Variants in WDR88 observed in about 807,000 individuals in gnomAD.
WDR88 encodes WD repeat-containing protein 88.
In WDR88, 40 loss-of-function variants were observed where a neutral mutation model predicts 46.8. The ratio of observed to expected loss-of-function variants is 0.86; its 90% CI spans 0.66 to 1.11. The LOEUF is 1.11. WDR88 is among the 50% of genes most tolerant of loss of function. WDR88 has a pLI of 0.00. For synonymous variants in WDR88, 235 were observed against 240.7 expected, an observed-to-expected ratio of 0.98 and a Z score of 0.22; for missense variants, 562 against 602.4, an observed-to-expected ratio of 0.93 and a Z score of 0.70.
chr19:33,157,083 G>GT (rs1973749521), intron 7 of WDR88, among the ~76,000 whole-genome samples: 1 of 152,072 alleles, frequency 6.6e-6, no homozygotes, highest in Admixed American at 6.6e-5. Context: ...TGTAGTCTCA[G>GT]CTCTTCAAGA....
chr19:33,145,597 C>T (rs536782271), intron 3 of WDR88, among the ~76,000 whole-genome samples: 90 of 151,506 alleles, frequency 5.9e-4, no homozygotes, highest in African/African-American at 2.1e-3. Context: ...TATAGTGGTG[C>T]GATCTCGGCT....
Position 33,144,868 on chromosome 19 carries a change from C to A in WDR88, c.412C>A (p.Arg138Ser). Residue 138 changes from arginine (R) to serine (S), a missense_variant, in exon 3 of 11, where the codon CGC (arginine) becomes AGC (serine). By Grantham distance (110) the Arg-to-Ser change is moderately radical. Transcript: ENST00000355868. ...LWDPVDGSVV[R>S]DFEHRPKAPV... Reference sequence around the variant, plus strand: ...GGATCCGGTGGACGGTTCTGTGGTTCGCGATTTTGAGCACAGGCCCAAAGC... The same window carrying A: ...GGATCCGGTGGACGGTTCTGTGGTTAGCGATTTTGAGCACAGGCCCAAAGC... 1 of 1,613,632 alleles carries A rather than the reference C, an allele frequency of 6.2e-7. No homozygotes were observed. Among genetic ancestry groups the A allele is most frequent in the Non-Finnish European group, 8.5e-7 (1 of 1,179,880 alleles).
intron 9 of WDR88, among the ~76,000 whole-genome samples, chr19:33,170,175 C>G (rs761022172): frequency 4.0e-5 from 6 of 150,760 alleles, no homozygotes; most frequent in Non-Finnish European, 7.4e-5. Context: ...CTGCGCCCAG[C>G]CCATTTATTT....
At chr19:33,150,454 T>TA (rs950295558) in intron 5 of WDR88, among the ~76,000 whole-genome samples, 4 of 152,032 alleles carry the variant, frequency 2.6e-5, no homozygotes, top group African/African-American at 9.7e-5. Context: ...GTCTCAAAAA[T>TA]AAAAAAATCA....
In WDR88 at chr19:33,148,845, T is replaced by C. The variant is rs752113451; in HGVS notation, c.614T>C (p.Phe205Ser). The C allele has an allele frequency of 6.2e-7, 1 of 1,614,082 alleles. No homozygotes were observed. The highest frequency in any genetic ancestry group is 1.3e-5 in the African/African-American group (1 of 74,928). Reference protein sequence around the residue: ...SPDGKYVVSGFDVDHGICIMD... With the variant: ...SPDGKYVVSGSDVDHGICIMD... ...GATGGTAAATACGTGGTCTCAGGCT[T>C]CGACGTGGATCATGGAATCTGCATA... Residue 205 changes from phenylalanine (F) to serine (S), a missense_variant, in exon 5 of 11, where the codon TTC (phenylalanine) becomes TCC (serine). Physicochemically the swap from Phe to Ser is radical, Grantham distance 155 (BLOSUM62 -2). Transcript: ENST00000355868.
At chr19:33,173,115 A>G in intron 10 of WDR88, among the ~76,000 whole-genome samples, 1 of 148,672 alleles carries the variant, frequency 6.7e-6, no homozygotes, top group African/African-American at 2.5e-5. Context: ...AAAAAAAAAA[A>G]AAAAGAGAAG....
chr19:33,170,074 T>C (rs1311113944), intron 9 of WDR88, among the ~76,000 whole-genome samples: 1 of 152,064 alleles, frequency 6.6e-6, no homozygotes, highest in African/African-American at 2.4e-5. Flanking sequence ...ACGGGGTTTC[T>C]CCATGTTGGT....
In WDR88 at chr19:33,160,445, G is replaced by A; in HGVS notation, c.1029G>A (p.Arg343=). 2 of 1,614,160 alleles carry A rather than the reference G, an allele frequency of 1.2e-6. No individual in the cohort carries two copies. The highest frequency in any genetic ancestry group is 1.7e-6 in the Non-Finnish European group (2 of 1,180,044). Residue 343 remains arginine (R), a synonymous_variant, in exon 8 of 11, where the codon AGG becomes AGA. Coordinates refer to ENST00000355868, the MANE Select transcript of WDR88 (RefSeq NM_173479.4). ...TTCTCATTTCTGGAGGGTTTGATAG[G>A]ACTGTGGCTATTTGGGATGTAGCAG... ...SSFLISGGFD[R]TVAIWDVAEG... is the part of the protein sequence containing the mutation.
chr19:33,160,614 GC>G, intron 8 of WDR88, 118 bp downstream of exon 8: 1 of 1,045,780 alleles, frequency 9.6e-7, no homozygotes, highest in East Asian at 2.4e-5. Flanking sequence ...GCCTCTGTGG[GC>G]TGATGAAGGA....
chr19:33,136,606 A>G (rs1482832738), intron 1 of WDR88, among the ~76,000 whole-genome samples: 4 of 152,280 alleles, frequency 2.6e-5, no homozygotes, highest in Admixed American at 1.3e-4. Context: ...TCTGTCACCC[A>G]GGCTGGAGTG....
chr19:33,149,345 A>C lies in WDR88; in HGVS notation c.679+435A>C, dbSNP rs139445026. ...TCAAAAAAACAAACAAACAAACAAAAAACAAACAAACAAACAAAAAAACAC... is the reference window on the plus strand; with the variant it reads ...TCAAAAAAACAAACAAACAAACAAACAACAAACAAACAAACAAAAAAACAC... On this transcript the variant is annotated intron_variant, in intron 5 of 10. Coordinates refer to ENST00000355868, the MANE Select transcript of WDR88 (RefSeq NM_173479.4). Among the ~76,000 whole-genome samples the C allele has an allele frequency of 3.9e-3, 413 of 104,694 alleles. 1 individual carries two copies. Among genetic ancestry groups the C allele is most frequent in the African/African-American group, 0.027 (394 of 14,680 alleles). The allele number at this position is 104,694 out of a possible 152,430, so 68.7% of individuals were successfully genotyped here.
rs764829746 is a variant in WDR88 at position 33,148,832 on chromosome 19, G to A, written c.601G>A (p.Val201Met). 15 of 1,613,976 alleles carry A rather than the reference G, an allele frequency of 9.3e-6. 1 individual carries two copies. Among genetic ancestry groups the A allele is most frequent in the South Asian group, 3.3e-5 (3 of 91,078 alleles). The change falls in exon 5 of 11, where the codon GTG becomes ATG. Residue 201 changes from valine (V) to methionine (M), a missense_variant. Val to Met is a conservative substitution (Grantham distance 21). Coordinates refer to ENST00000355868, the MANE Select transcript of WDR88 (RefSeq NM_173479.4). ...SCKFSPDGKY[V>M]VSGFDVDHGI... is the part of the protein sequence containing the mutation. ...TAAGTTTTCTCCTGATGGTAAATAC[G>A]TGGTCTCAGGCTTCGACGTGGATCA...
At position 33,165,224 on chromosome 19, in the gene WDR88, G is replaced by A. The variant is rs577828210; in HGVS notation, c.1149+959G>A. Among the ~76,000 whole-genome samples the A allele has an allele frequency of 2.0e-5, 3 of 152,198 alleles. 1 individual carries two copies. In the South Asian group the frequency reaches 6.2e-4, roughly 32 times the overall value. ...CCCATTTCCTAACAGGCCACAGACT[G>A]GGGGGTCGGGGACCCCTTTATTTGA... On this transcript the variant is annotated intron_variant, in intron 9 of 10. Transcript: ENST00000355868.
At chr19:33,136,505 A>G (rs760853839) in intron 1 of WDR88, among the ~76,000 whole-genome samples, 3 of 151,488 alleles carry the variant, frequency 2.0e-5, no homozygotes, top group Non-Finnish European at 2.9e-5. Context: ...TATGGTTTTC[A>G]TTTGCACTTT....
rs1974108471 is a variant in WDR88, at chr19:33,175,506, T to C, written c.1353T>C (p.Thr451=). The change falls in exon 11 of 11, where the codon ACT becomes ACC. Residue 451 remains threonine (T), a synonymous_variant. Transcript: ENST00000355868. ...ATACAAGGGGCTTGCCAGCAGATAC[T>C]TCATCGTCATCATCATCATCGGAAA... ...RIDTRGLPAD[T]SSSSSSSERE... is the part of the protein sequence containing the mutation. The C allele has an allele frequency of 6.2e-7, 1 of 1,614,106 alleles. No homozygotes were observed. The highest frequency in any genetic ancestry group is 8.5e-7 in the Non-Finnish European group (1 of 1,180,052).
Position 33,175,458 on chromosome 19 carries a change from C to A in WDR88, c.1305C>A (p.Thr435=). The A allele has an allele frequency of 1.2e-6, 2 of 1,614,130 alleles. No homozygotes were observed. The highest frequency in any genetic ancestry group is 1.7e-5 in the Admixed American group (1 of 60,002). ...FKSDTSSEMF[T]QCVFCRIDTR... ...GTGACACCTCTTCTGAAATGTTCAC[C>A]CAATGCGTGTTCTGCCGGATAGATA... Residue 435 remains threonine (T), a synonymous_variant, in exon 11 of 11, where the codon ACC becomes ACA. Transcript: ENST00000355868.
At chr19:33,158,369 A>C (rs1343791127) in intron 7 of WDR88, among the ~76,000 whole-genome samples, 1 of 152,026 alleles carries the variant, frequency 6.6e-6, no homozygotes, top group Non-Finnish European at 1.5e-5. Context: ...GTTGAGCCAA[A>C]ATTGTGCCAC....
intron 6 of WDR88, 40 bp from the exon 7 acceptor site, chr19:33,156,315 G>T: frequency 6.3e-7 from 1 of 1,593,750 alleles, no homozygotes; most frequent in Non-Finnish European, 8.6e-7. Flanking sequence ...TCCTCCAGGA[G>T]CAAAGCGCTA....
chr19:33,157,685 ATG>A lies in WDR88; in HGVS notation c.997+1145_997+1146del, dbSNP rs1348716966. Reference sequence around the variant, plus strand: ...TGTATGTATGTGTGTGTGTGTATGTATGTATATATATATATATATATATATAT... The same window carrying A: ...TGTATGTATGTGTGTGTGTGTATGTATATATATATATATATATATATATAT... On this transcript the variant is annotated intron_variant, in intron 7 of 10. Transcript: ENST00000355868. Among the ~76,000 whole-genome samples, 101 of 37,830 alleles carry A rather than the reference ATG, an allele frequency of 2.7e-3. 3 individuals are homozygous for A. The highest frequency in any genetic ancestry group is 0.024 in the South Asian group (21 of 888). 24.8% of individuals were successfully genotyped at this position (37,830 alleles called of 152,430 possible). A position where few individuals can be genotyped will look rare whatever the true frequency, so the allele number is the denominator to read the frequency against.
Sources: allele counts gnomAD v4.1 joint callset (sites outside exome capture counted in the v4.1 genomes callset), GRCh38; gene constraint gnomAD v4.1.1; transcripts MANE v1.5; gene names NCBI Gene and HGNC (gene_info 2026-07-23, HGNC 2026-07-21).